PFKFB3: variants seen among roughly 807,000 people sequenced by gnomAD.
PFKFB3 encodes the protein 6-phosphofructo-2-kinase/fructose-2,6-bisphosphatase 3.
A neutral mutation model predicts 68.0 loss-of-function variants in PFKFB3; 33 were observed. The ratio of observed to expected loss-of-function variants is 0.49; its 90% confidence interval spans 0.37 to 0.65. The LOEUF (loss-of-function observed/expected upper bound fraction) is 0.65, where lower values mean the gene tolerates loss of function less well. PFKFB3 is among the 30% of genes least tolerant of loss of function. The probability of loss-of-function intolerance (pLI) is 0.00; values close to 1 mark genes in which losing one functional copy is unlikely to be tolerated. For missense variants in PFKFB3, 586 were observed against 712.2 expected (o/e 0.82, Z 2.02); for synonymous variants, 315 against 288.2 (o/e 1.09, Z -0.94).
At chr10:6,202,517 G>A (rs1843405494), upstream of PFKFB3, 1 of 152,538 alleles carries the variant, frequency 6.6e-6, no homozygotes, top group South Asian at 2.0e-4. Flanking sequence ...AGCTGCATTG[G>A]TAGGATGCAC....
chr10:6,148,467 A>T (rs1247025605), intron 1 of PFKFB3, among the ~76,000 whole-genome samples: 3 of 152,158 alleles, frequency 2.0e-5, no homozygotes, highest in African/African-American at 7.2e-5. Flanking sequence ...GCAGCAGCTG[A>T]CAGTGGCAGT....
the PFKFB3 span, among the ~76,000 whole-genome samples, chr10:6,289,038 T>A: frequency 6.6e-6 from 1 of 151,238 alleles, no homozygotes; most frequent in Non-Finnish European, 1.5e-5. Context: ...TTCACCCACT[T>A]TTTGATGGGG....
the PFKFB3 span, among the ~76,000 whole-genome samples, chr10:6,284,915 T>TA: frequency 6.6e-6 from 1 of 152,248 alleles, no homozygotes; most frequent in South Asian, 2.1e-4. Flanking sequence ...TAAATCAGGA[T>TA]TTTTTCCCAT....
intron 1 of PFKFB3, among the ~76,000 whole-genome samples, chr10:6,169,582 T>C (rs1842243892): frequency 6.6e-6 from 1 of 152,156 alleles, no homozygotes; most frequent in Non-Finnish European, 1.5e-5. Context: ...GGTATGAACT[T>C]GCTGCGCTGA....
intron 1 of PFKFB3, among the ~76,000 whole-genome samples, chr10:6,203,928 C>T (rs893458060): frequency 6.6e-6 from 1 of 152,202 alleles, no homozygotes; most frequent in East Asian, 1.9e-4. Context: ...CTCTCTCTTC[C>T]GTGCATCTCC....
chr10:6,244,519 C>T (rs1024592538), intron 14 of PFKFB3, among the ~76,000 whole-genome samples: 2 of 152,154 alleles, frequency 1.3e-5, no homozygotes, highest in African/African-American at 2.4e-5. Context: ...CTGTATTTAG[C>T]AGGTGCTCTG....
At chr10:6,236,337 G>A (rs560078313), downstream of PFKFB3, among the ~76,000 whole-genome samples, 35 of 152,362 alleles carry the variant, frequency 2.3e-4, no homozygotes, top group South Asian at 6.6e-3. Context: ...AGGGTTCAGG[G>A]TGGAGCGTGG....
At chr10:6,203,952 C>T (rs746506239) in intron 1 of PFKFB3, among the ~76,000 whole-genome samples, 1 of 152,216 alleles carries the variant, frequency 6.6e-6, no homozygotes, top group Non-Finnish European at 1.5e-5. Context: ...GCCATGGGGG[C>T]GCCCGTGCTG....
the PFKFB3 span, among the ~76,000 whole-genome samples, chr10:6,320,407 T>C: frequency 1.3e-5 from 2 of 151,868 alleles, no homozygotes; most frequent in African/African-American, 4.8e-5. Flanking sequence ...GGGCTGACCT[T>C]CAAGGTAGCA....
In PFKFB3 at chr10:6,244,303, A is replaced by G. The variant is rs145507317; in HGVS notation, c.1516-9875A>G. ...CACAGGGAAACACGAAGTGAAGGCC[A>G]CGTAGTGAAGACCAAACTTCCTGTT... On this transcript the variant is annotated intron_variant, in intron 14 of 14. Coordinates refer to the PFKFB3 transcript ENST00000640683. Among the ~76,000 whole-genome samples the G allele has an allele frequency of 7.3e-3, 1,113 of 152,350 alleles. 8 individuals are homozygous for G. The highest frequency in any genetic ancestry group is 0.024 in the African/African-American group (1,016 of 41,594).
chr10:6,225,032 C>T (rs1187091015), intron 13 of PFKFB3: 7 of 436,684 alleles, frequency 1.6e-5, no homozygotes, highest in African/African-American at 1.2e-4. Context: ...CCTGGCCGTG[C>T]AGCTGCTGTC....
At chr10:6,235,759 TTTC>T (rs1422527670), downstream of PFKFB3, among the ~76,000 whole-genome samples, 2 of 131,234 alleles carry the variant, frequency 1.5e-5, no homozygotes, top group Non-Finnish European at 3.3e-5. Context: ...ATTTAATTTT[TTTC>T]TTTTTTTTCT....
Position 6,220,099 on chromosome 10 carries a change from ACTTG to A in PFKFB3, c.623+412_623+415del, listed in dbSNP as rs1044199929. The stretch of plus-strand genomic sequence containing the variant: ...TATTTATTTATTTATTTACTTACTT[ACTTG>A]CTTGCCTGCTTGCTTAGAGACAGGG... On this transcript the variant is annotated intron_variant, in intron 7 of 14. Coordinates refer to ENST00000379775, the MANE Select transcript of PFKFB3 (RefSeq NM_004566.4). This position sits in a 1 kb window ranked among gnomAD's most constrained non-coding sequence, Gnocchi z 4.1. Among the ~76,000 whole-genome samples the A allele has an allele frequency of 7.4e-5, 11 of 149,486 alleles. No individual in the cohort carries two copies. The highest frequency in any genetic ancestry group is 2.5e-4 in the African/African-American group (10 of 39,654).
chr10:6,233,022 C>T lies in PFKFB3; in HGVS notation c.*80C>T. 2 of 1,104,716 alleles carry T rather than the reference C, an allele frequency of 1.8e-6. No individual in the cohort carries two copies. Among genetic ancestry groups the T allele is most frequent in the Non-Finnish European group, 1.4e-6 (1 of 717,532 alleles). The allele number at this position is 1,104,716 out of a possible 1,614,324, so 68.4% of individuals were successfully genotyped here. Reference sequence around the variant, plus strand: ...GCCCTCCGCCCGAGGCAAAACGTATCCTGAGGACTTCTTCCGGAGAGGGTG... The same window carrying T: ...GCCCTCCGCCCGAGGCAAAACGTATTCTGAGGACTTCTTCCGGAGAGGGTG... On this transcript the variant is annotated 3_prime_UTR_variant, in exon 15 of 15. Transcript: ENST00000379775.
At chr10:6,180,173 C>T (rs1305318198) in intron 1 of PFKFB3, among the ~76,000 whole-genome samples, 1 of 150,974 alleles carries the variant, frequency 6.6e-6, no homozygotes, top group Admixed American at 6.6e-5. Flanking sequence ...GAGACCCTGT[C>T]TCTAAAAGAA....
the PFKFB3 span, among the ~76,000 whole-genome samples, chr10:6,302,186 C>T: frequency 6.6e-6 from 1 of 151,190 alleles, no homozygotes; most frequent in Non-Finnish European, 1.5e-5. Flanking sequence ...TCTTGAATAG[C>T]TGGGATTACA....
rs1172691100 is a variant in PFKFB3, at chr10:6,177,393, T to TTTCTTTCTTTC, written c.16+32383_16+32393dup. Reference sequence around the variant, plus strand: ...CTTTCTTTCTTTCTTTCTTTCTTTCTTTCTTTCTTTCTTTCTTCTTTCTCT... The same window carrying TTTCTTTCTTTC: ...CTTTCTTTCTTTCTTTCTTTCTTTCTTTCTTTCTTTCTTCTTTCTTTCTTTCTTCTTTCTCT... On this transcript the variant is annotated intron_variant, in intron 1 of 14. Transcript: ENST00000379789. Among the ~76,000 whole-genome samples the TTTCTTTCTTTC allele has an allele frequency of 3.9e-4, 56 of 141,808 alleles. 1 individual carries two copies. Among genetic ancestry groups the TTTCTTTCTTTC allele is most frequent in the Admixed American group, 1.9e-3 (26 of 13,852 alleles). 93.0% of individuals were successfully genotyped at this position (141,808 alleles called of 152,430 possible).
At chr10:6,224,989 G>A (rs1845236324) in intron 13 of PFKFB3, among the ~76,000 whole-genome samples, 1 of 151,194 alleles carries the variant, frequency 6.6e-6, no homozygotes, top group Non-Finnish European at 1.5e-5. Flanking sequence ...CTGGGGGGTG[G>A]CGGGTGGGGA....
chr10:6,302,362 G>GTTTTTTTTTTT, the PFKFB3 span, among the ~76,000 whole-genome samples: 1 of 78,492 alleles, frequency 1.3e-5, no homozygotes, highest in African/African-American at 6.5e-5. Flanking sequence ...TGCCTGGCCA[G>GTTTTTTTTTTT]TTTTTTTTTT....
Sources: gnomAD v4.1 joint callset for allele counts (sites outside exome capture counted in the v4.1 genomes callset) on GRCh38, gnomAD v4.1.1 for gene constraint, Gnocchi (gnomAD v3.1) non-coding constraint, MANE v1.5 for transcripts, NCBI Gene and HGNC (gene_info 2026-07-23, HGNC 2026-07-21) for gene names.